The following TXLNB variants were observed in gnomAD, a reference collection of about 807,000 sequenced individuals.
TXLNB encodes beta-taxilin.
Under a neutral mutation model 57.4 loss-of-function variants are expected in TXLNB, and 37 were observed. That is an observed-to-expected ratio of 0.64 (90% CI 0.50 to 0.85). The LOEUF is 0.85. Ranked by LOEUF, TXLNB falls within the 40% of genes least tolerant of loss-of-function variation. The pLI, the probability that TXLNB is intolerant of heterozygous loss-of-function variation, is 0.00. For synonymous variants in TXLNB, 302 were observed against 309.6 expected (o/e 0.98, Z 0.26); for missense variants, 848 against 825.6 (o/e 1.03, Z -0.33).
At chr6:139,204,696 G>A in the TXLNB span, among the ~76,000 whole-genome samples, 1 of 152,154 alleles carries the variant, frequency 6.6e-6, no homozygotes, top group Non-Finnish European at 1.5e-5. Flanking sequence ...CTTTCTCAGT[G>A]CAGAAGCTTA....
At chr6:139,173,051 CAG>C in the TXLNB span, among the ~76,000 whole-genome samples, 2 of 152,200 alleles carry the variant, frequency 1.3e-5, no homozygotes, top group African/African-American at 2.4e-5. Flanking sequence ...GTATGCAGGA[CAG>C]AGAGTGCAAA....
chr6:139,305,343 T>C, the TXLNB span, among the ~76,000 whole-genome samples: 35 of 152,322 alleles, frequency 2.3e-4, no homozygotes, highest in African/African-American at 8.2e-4. Context: ...AAAATATTGA[T>C]ATTTACAATC....
the TXLNB span, among the ~76,000 whole-genome samples, chr6:139,314,434 T>A: frequency 6.6e-6 from 1 of 152,250 alleles, no homozygotes; most frequent in Non-Finnish European, 1.5e-5. Flanking sequence ...AATCTTTGAA[T>A]GCATGTATGA....
At chr6:139,317,597 C>T in the TXLNB span, among the ~76,000 whole-genome samples, 2 of 152,122 alleles carry the variant, frequency 1.3e-5, no homozygotes, top group African/African-American at 4.8e-5. Context: ...GACAGGGTTT[C>T]ACCGTGTTAG....
At chr6:139,167,122 C>G in the TXLNB span, 2 of 1,614,200 alleles carry the variant, frequency 1.2e-6, no homozygotes, top group Non-Finnish European at 1.7e-6. Context: ...GCATGGAAGA[C>G]GATGCCCAAG....
At position 139,284,060 on chromosome 6, in the gene TXLNB, A is replaced by G. The variant is rs906230885; in HGVS notation, c.424+4416T>C. ...TCTGTGTCAAAATTACCCAGGGTGA[A>G]CATCTCCCATGCTCGCCTAAAAATT... On this transcript the variant is annotated intron_variant, in intron 2 of 9. Coordinates refer to ENST00000358430, the MANE Select transcript of TXLNB (RefSeq NM_153235.4). 4.1e-5 allele frequency among the ~76,000 whole-genome samples: 6 copies of G among 145,574 alleles called. No individual in the cohort carries two copies. In the East Asian group the frequency reaches 1.2e-3, roughly 29 times the overall value.
chr6:139,288,593 C>T lies in TXLNB; in HGVS notation c.307G>A (p.Glu103Lys), dbSNP rs756870067. The T allele has an allele frequency of 5.6e-6, 9 of 1,614,094 alleles. No homozygotes were observed. In the South Asian group the frequency reaches 7.7e-5, roughly 14 times the overall value. Residue 103 changes from glutamate to lysine, a missense_variant, in exon 2 of 10, where the codon GAG becomes AAG. By Grantham distance (56) the Glu-to-Lys change is moderately conservative (BLOSUM62 1). Transcript: ENST00000358430. ...CTTCCAGCCTCTTCAGTTGTTTCCTCACAGTCCCCATCCTCGTTGTCAGGT... is the reference window on the plus strand; with the variant it reads ...CTTCCAGCCTCTTCAGTTGTTTCCTTACAGTCCCCATCCTCGTTGTCAGGT... Reference protein sequence around the residue: ...ESPDNEDGDCEETTEEAGREP... With the variant: ...ESPDNEDGDCKETTEEAGREP...
intron 4 of TXLNB, among the ~76,000 whole-genome samples, chr6:139,268,151 C>CAAAAAAAAAAAAAAAAAAAAAAA (rs59647726): frequency 1.5e-5 from 1 of 64,520 alleles, no homozygotes; most frequent in Non-Finnish European, 3.3e-5. Flanking sequence ...CTCCATCTCA[C>CAAAAAAAAAAAAAAAAAAAAAAA]AAAAAAAAAA....
the TXLNB span, among the ~76,000 whole-genome samples, chr6:139,185,474 G>T: frequency 7.1e-4 from 108 of 152,264 alleles, no homozygotes; most frequent in East Asian, 0.016. Context: ...GGCCGAGGTG[G>T]GCGGATCATG....
At chr6:139,270,151 G>A (rs1300826783) in intron 4 of TXLNB, among the ~76,000 whole-genome samples, 2 of 152,160 alleles carry the variant, frequency 1.3e-5, no homozygotes, top group East Asian at 3.9e-4. Context: ...GAAAGGTAAG[G>A]GGAATGGTAT....
At chr6:139,268,926 A>T (rs1345095580) in intron 4 of TXLNB, 1 of 152,046 alleles carries the variant, frequency 6.6e-6, no homozygotes, top group Non-Finnish European at 1.5e-5. Context: ...TTTCTGAGAC[A>T]TTGCTCTCTG....
intron 8 of TXLNB, among the ~76,000 whole-genome samples, chr6:139,246,972 T>C (rs955070848): frequency 6.6e-6 from 1 of 152,098 alleles, no homozygotes; most frequent in African/African-American, 2.4e-5. Context: ...TAAGACCACT[T>C]GATGAGCAAG....
the TXLNB span, chr6:139,167,296 C>T: frequency 1.0e-5 from 16 of 1,601,762 alleles, no homozygotes; most frequent in Middle Eastern, 1.7e-4. Flanking sequence ...ATGATGAGAT[C>T]GAATATGATG....
intron 1 of TXLNB, among the ~76,000 whole-genome samples, chr6:139,289,569 A>G (rs1453437646): frequency 6.6e-6 from 1 of 152,180 alleles, no homozygotes; most frequent in Non-Finnish European, 1.5e-5. Flanking sequence ...TTGTTTTTCC[A>G]AATCAAGTCA....
At chr6:139,224,130 G>C in the TXLNB span, among the ~76,000 whole-genome samples, 1 of 149,842 alleles carries the variant, frequency 6.7e-6, no homozygotes, top group African/African-American at 2.5e-5. Context: ...AAAATGATGA[G>C]TTCATGTCCT....
chr6:139,301,601 C>G, the TXLNB span, among the ~76,000 whole-genome samples: 35 of 152,278 alleles, frequency 2.3e-4, no homozygotes, highest in African/African-American at 8.2e-4. Flanking sequence ...TAGAAGAGCA[C>G]ACCTGAGATA....
chr6:139,191,207 T>A, the TXLNB span, among the ~76,000 whole-genome samples: 1 of 152,096 alleles, frequency 6.6e-6, no homozygotes, highest in East Asian at 1.9e-4. Flanking sequence ...ATCACCGAGG[T>A]CAGGAGTTCA....
At chr6:139,232,770 A>G in the TXLNB span, among the ~76,000 whole-genome samples, 3 of 152,338 alleles carry the variant, frequency 2.0e-5, no homozygotes, top group South Asian at 6.2e-4. Flanking sequence ...TTATGGTATT[A>G]TCATCTTTCC....
the TXLNB span, among the ~76,000 whole-genome samples, chr6:139,208,775 T>C: frequency 6.6e-6 from 1 of 152,150 alleles, no homozygotes; most frequent in African/African-American, 2.4e-5. Context: ...AAAATTGCCA[T>C]AGAAGGGACA....
Sources: allele counts gnomAD v4.1 joint callset (sites outside exome capture counted in the v4.1 genomes callset), GRCh38; gene constraint gnomAD v4.1.1; transcripts MANE v1.5; gene names NCBI Gene and HGNC (gene_info 2026-07-23, HGNC 2026-07-21).